The following PPFIA2 variants were observed in gnomAD, a reference collection of about 807,000 sequenced individuals.
PPFIA2 encodes PPFI scaffold protein A2.
PPFIA2 carries 46 observed loss-of-function variants against 175.5 expected under a neutral mutation model. The observed-to-expected ratio is 0.26, with a 90% CI of 0.21 to 0.34. PPFIA2 has a LOEUF of 0.34. Among genes scored for constraint, PPFIA2 ranks in the 10% least tolerant of loss-of-function variants. The pLI is 1.00. For synonymous variants in PPFIA2, 568 were observed against 511.4 expected, an observed-to-expected ratio of 1.11 and a Z score of -1.49; for missense variants, 1,179 against 1,506.1, an observed-to-expected ratio of 0.78 and a Z score of 3.60.
intron 4 of PPFIA2, among the ~76,000 whole-genome samples, chr12:81,593,326 C>A (rs909448756): frequency 6.6e-6 from 1 of 152,078 alleles, no homozygotes; most frequent in African/African-American, 2.4e-5. Flanking sequence ...GTATCTGTTA[C>A]ATATTTTTAA....
intron 4 of PPFIA2, among the ~76,000 whole-genome samples, chr12:81,666,636 A>G (rs561070962): frequency 6.6e-6 from 1 of 152,266 alleles, no homozygotes; most frequent in East Asian, 1.9e-4. Context: ...GGGGAGGGAT[A>G]GCATTTGGAG....
chr12:81,455,052 A>G (rs767738775), intron 5 of PPFIA2, among the ~76,000 whole-genome samples: 8 of 152,156 alleles, frequency 5.3e-5, no homozygotes, highest in Non-Finnish European at 8.8e-5. Flanking sequence ...TCTGACACCA[A>G]TTAAAGTTTC....
chr12:81,755,167 G>A (rs2084445465), intron 2 of PPFIA2, among the ~76,000 whole-genome samples: 1 of 152,040 alleles, frequency 6.6e-6, no homozygotes, highest in Non-Finnish European at 1.5e-5. Context: ...TGAAATAAAC[G>A]AACTGTTTTC....
At position 81,758,434 on chromosome 12, in the gene PPFIA2, A is replaced by G. The variant is rs911872385; in HGVS notation, c.-37T>C. The stretch of plus-strand genomic sequence containing the variant: ...GTGATTTCGGGTCCTTGCTTCTTCA[A>G]TTGATCAATGACAACCGCAGTCTCC... On this transcript the variant is annotated 5_prime_UTR_variant, in exon 2 of 33. Transcript: ENST00000549396. 2.8e-5 allele frequency: 13 copies of G among 456,480 alleles called. No homozygotes were observed. Among genetic ancestry groups the G allele is most frequent in the Non-Finnish European group, 3.5e-5 (8 of 226,792 alleles). 28.3% of individuals were successfully genotyped at this position (456,480 alleles called of 1,614,324 possible).
chr12:81,376,117 A>G (rs539691611), intron 9 of PPFIA2, among the ~76,000 whole-genome samples, 175 bp from the exon 10 acceptor site: 15 of 152,326 alleles, frequency 9.8e-5, no homozygotes, highest in African/African-American at 2.2e-4. Context: ...CAACTTAGCT[A>G]TCAGAATTAT....
rs1205754819 is a variant in PPFIA2, at chr12:81,325,768, C to A, written c.2642+9G>T. The A allele has an allele frequency of 2.5e-6, 4 of 1,602,696 alleles. No individual in the cohort carries two copies. The highest frequency in any genetic ancestry group is 2.2e-5 in the East Asian group (1 of 44,780). ...AGTTAGAAAAAGAGGGAAAAATCCCCAAACCTACTTTTTCTTTAGTCTTCG... is the reference window on the plus strand; with the variant it reads ...AGTTAGAAAAAGAGGGAAAAATCCCAAAACCTACTTTTTCTTTAGTCTTCG... On this transcript the variant is annotated intron_variant, in intron 22 of 32. Coordinates refer to ENST00000549396, the MANE Select transcript of PPFIA2 (RefSeq NM_003625.5).
intron 24 of PPFIA2, among the ~76,000 whole-genome samples, chr12:81,289,945 C>T (rs1026348745): frequency 4.0e-5 from 6 of 151,658 alleles, no homozygotes; most frequent in Admixed American, 3.3e-4. Flanking sequence ...AAACAGAAAG[C>T]TGGAAATTTA....
At chr12:81,610,232 C>G (rs763375921) in intron 4 of PPFIA2, among the ~76,000 whole-genome samples, 1 of 152,072 alleles carries the variant, frequency 6.6e-6, no homozygotes, top group Non-Finnish European at 1.5e-5. Context: ...GCCTTGGGGA[C>G]GATCAACTTA....
chr12:81,647,777 AT>A (rs398020325), intron 4 of PPFIA2, among the ~76,000 whole-genome samples: 31 of 138,448 alleles, frequency 2.2e-4, no homozygotes, highest in African/African-American at 7.8e-4. Context: ...ATATATATAT[AT>A]AATATACATA....
intron 4 of PPFIA2, among the ~76,000 whole-genome samples, chr12:81,551,492 A>T (rs930792647): frequency 9.9e-5 from 15 of 152,046 alleles, no homozygotes; most frequent in Admixed American, 9.8e-4. Flanking sequence ...GACTATTTAC[A>T]AAGCACTCAC....
chr12:81,598,909 C>T (rs1019767202), intron 4 of PPFIA2, among the ~76,000 whole-genome samples: 1 of 151,966 alleles, frequency 6.6e-6, no homozygotes, highest in African/African-American at 2.4e-5. Flanking sequence ...AAAAGTACCA[C>T]ATATTTGTTT....
At chr12:81,360,181 C>G (rs1238849035) in intron 15 of PPFIA2, among the ~76,000 whole-genome samples, 1 of 151,766 alleles carries the variant, frequency 6.6e-6, no homozygotes, top group Non-Finnish European at 1.5e-5. Flanking sequence ...TTTTCCAGTT[C>G]TCTGAGCTAG....
intron 8 of PPFIA2, among the ~76,000 whole-genome samples, chr12:81,389,392 A>C (rs1308416495): frequency 6.6e-6 from 1 of 151,680 alleles, no homozygotes; most frequent in Non-Finnish European, 1.5e-5. Context: ...GTAATCAGGC[A>C]ATTAAAATAA....
chr12:81,463,015 C>T (rs1331100194), intron 4 of PPFIA2, among the ~76,000 whole-genome samples: 1 of 151,954 alleles, frequency 6.6e-6, no homozygotes, highest in African/African-American at 2.4e-5. Flanking sequence ...TCTAGCATTT[C>T]TCAAATTATG....
intron 3 of PPFIA2, among the ~76,000 whole-genome samples, chr12:81,719,246 T>G (rs903621215): frequency 6.6e-6 from 1 of 151,638 alleles, no homozygotes; most frequent in Non-Finnish European, 1.5e-5. Context: ...TGTTGTTCAA[T>G]GTATAGTAAC....
At chr12:81,751,534 T>TACAC (rs10591884) in intron 3 of PPFIA2, among the ~76,000 whole-genome samples, 1,808 of 144,256 alleles carry the variant, frequency 0.013, 21 homozygotes, top group African/African-American at 0.031. Context: ...TATAATATGC[T>TACAC]ACACACACAC....
intron 4 of PPFIA2, among the ~76,000 whole-genome samples, chr12:81,668,767 T>G (rs1035877716): frequency 1.3e-5 from 2 of 151,990 alleles, no homozygotes; most frequent in African/African-American, 4.8e-5. Context: ...TGTCTAACAC[T>G]TCTCCAAAGA....
At chr12:81,397,900 C>G (rs2041432592) in intron 8 of PPFIA2, among the ~76,000 whole-genome samples, 1 of 151,668 alleles carries the variant, frequency 6.6e-6, no homozygotes, top group African/African-American at 2.4e-5. Context: ...ACTGTCCATT[C>G]GAGGGATCTA....
chr12:81,543,979 G>T (rs1174511888), intron 4 of PPFIA2, among the ~76,000 whole-genome samples: 2 of 152,074 alleles, frequency 1.3e-5, no homozygotes, highest in Non-Finnish European at 2.9e-5. Flanking sequence ...AAACAGCCAA[G>T]ATAAATATTA....
Sources: gnomAD v4.1 joint callset for allele counts (sites outside exome capture counted in the v4.1 genomes callset) on GRCh38, gnomAD v4.1.1 for gene constraint, MANE v1.5 for transcripts, NCBI Gene and HGNC (gene_info 2026-07-23, HGNC 2026-07-21) for gene names.